The following OR3A2 variants were observed in gnomAD, a reference collection of about 807,000 sequenced individuals.
OR3A2 encodes the protein olfactory receptor family 3 subfamily A member 2.
For synonymous variants in OR3A2, 126 were observed against 159.3 expected, an observed-to-expected ratio of 0.79 and a Z score of 1.57; for missense variants, 318 against 392.8, an observed-to-expected ratio of 0.81 and a Z score of 1.61.
chr17:3,314,511 G>A (rs1004398099), intron 3 of OR3A2, among the ~76,000 whole-genome samples: 2 of 152,166 alleles, frequency 1.3e-5, no homozygotes, highest in Non-Finnish European at 2.9e-5. Context: ...ACATGTGTAT[G>A]GGCTGAAAAT....
intron 3 of OR3A2, among the ~76,000 whole-genome samples, chr17:3,313,225 A>C (rs2049058388): frequency 6.6e-6 from 1 of 152,214 alleles, no homozygotes; most frequent in Admixed American, 6.5e-5. Context: ...TGGAAGTTGA[A>C]GACTCACCTT....
At chr17:3,345,075 A>G (rs999169145) in intron 2 of OR3A2, among the ~76,000 whole-genome samples, 2 of 152,224 alleles carry the variant, frequency 1.3e-5, no homozygotes, top group African/African-American at 2.4e-5. Flanking sequence ...GCAGGGGAAG[A>G]TAAGATCCAG....
rs144625173 is a variant in OR3A2, at chr17:3,317,948, C to A, written c.-85+18085G>T. 5.1e-3 allele frequency among the ~76,000 whole-genome samples: 773 copies of A among 152,212 alleles called. 3 individuals carry two copies. Among genetic ancestry groups the A allele is most frequent in the African/African-American group, 0.018 (736 of 41,522 alleles). On this transcript the variant is annotated intron_variant, in intron 3 of 4. Coordinates refer to the OR3A2 transcript ENST00000573491. ...ACAGTGTCCCCCCGCTCTCTCCACA[C>A]TGGGAGACAGCATGATTAATCTCTT...
At chr17:3,381,425 T>C (rs1207745887) in intron 2 of OR3A2, among the ~76,000 whole-genome samples, 1 of 152,004 alleles carries the variant, frequency 6.6e-6, no homozygotes, top group Non-Finnish European at 1.5e-5. Flanking sequence ...CTGCCTGACC[T>C]GGGCCTGAGG....
chr17:3,310,534 G>T (rs763392014), intron 3 of OR3A2: 2 of 535,832 alleles, frequency 3.7e-6, no homozygotes, highest in Non-Finnish European at 7.7e-6. Context: ...CCAGATGTGG[G>T]GTGTGTCAGT....
At chr17:3,346,815 A>C (rs977241256) in intron 2 of OR3A2, among the ~76,000 whole-genome samples, 3 of 152,168 alleles carry the variant, frequency 2.0e-5, no homozygotes, top group African/African-American at 4.8e-5. Flanking sequence ...TGCCTGGCTT[A>C]TTCACTCAAT....
chr17:3,354,814 C>T (rs1016181124), intron 2 of OR3A2, among the ~76,000 whole-genome samples: 2 of 151,104 alleles, frequency 1.3e-5, no homozygotes, highest in Non-Finnish European at 3.0e-5. Context: ...GGTAGGTTTG[C>T]TCTTGCTTTT....
chr17:3,330,360 G>A (rs1044307803), intron 3 of OR3A2, among the ~76,000 whole-genome samples: 11 of 149,946 alleles, frequency 7.3e-5, no homozygotes, highest in South Asian at 2.1e-4. Context: ...TCTCTTTGTA[G>A]GTCACTCAGG....
chr17:3,349,240 T>C (rs892276455), intron 2 of OR3A2, among the ~76,000 whole-genome samples: 26 of 152,102 alleles, frequency 1.7e-4, no homozygotes, highest in African/African-American at 5.8e-4. Context: ...GACTGGCAAA[T>C]TGGATAAAGA....
intron 2 of OR3A2, among the ~76,000 whole-genome samples, chr17:3,339,250 A>G (rs1869108177): frequency 6.6e-6 from 1 of 152,142 alleles, no homozygotes; most frequent in African/African-American, 2.4e-5. Context: ...CCAATTGAAT[A>G]CACTTTATTT....
chr17:3,307,627 T>A (rs1188371056), intron 3 of OR3A2, among the ~76,000 whole-genome samples: 1 of 152,200 alleles, frequency 6.6e-6, no homozygotes, highest in Non-Finnish European at 1.5e-5. Context: ...GGCATGAGAC[T>A]AGAAAACATT....
chr17:3,337,581 A>C (rs1440844734), intron 2 of OR3A2, among the ~76,000 whole-genome samples: 1 of 152,100 alleles, frequency 6.6e-6, no homozygotes, highest in Non-Finnish European at 1.5e-5. Flanking sequence ...AGCTTCATCC[A>C]TGTCCTTACA....
At chr17:3,331,502 C>T (rs1229196766) in intron 3 of OR3A2, among the ~76,000 whole-genome samples, 6 of 151,680 alleles carry the variant, frequency 4.0e-5, no homozygotes, top group East Asian at 1.9e-4. Flanking sequence ...TCCAGTTGAT[C>T]GCATCGGCTC....
At chr17:3,369,764 T>C (rs1183216408) in intron 2 of OR3A2, among the ~76,000 whole-genome samples, 1 of 151,918 alleles carries the variant, frequency 6.6e-6, no homozygotes, top group Non-Finnish European at 1.5e-5. Context: ...TTAGGGAAGA[T>C]TTCCTCTTTA....
At chr17:3,319,743 T>C (rs1267998334) in intron 3 of OR3A2, among the ~76,000 whole-genome samples, 1 of 152,220 alleles carries the variant, frequency 6.6e-6, no homozygotes, top group Non-Finnish European at 1.5e-5. Context: ...TCATGGTGTA[T>C]ATGTGCCACA....
intron 3 of OR3A2, among the ~76,000 whole-genome samples, chr17:3,297,618 C>A (rs1477480411): frequency 6.6e-6 from 1 of 151,668 alleles, no homozygotes; most frequent in Admixed American, 6.6e-5. Context: ...GGACATTTCT[C>A]TATAGAGCAC....
intron 3 of OR3A2, among the ~76,000 whole-genome samples, chr17:3,320,105 G>C (rs1365166295): frequency 6.6e-6 from 1 of 152,330 alleles, no homozygotes; most frequent in Admixed American, 6.5e-5. Flanking sequence ...CTGTGGTTTT[G>C]ATTTGCATTT....
chr17:3,292,058 A>G (rs771996382), intron 3 of OR3A2: 1 of 1,614,224 alleles, frequency 6.2e-7, no homozygotes, highest in South Asian at 1.1e-5. Flanking sequence ...GATTGATCAC[A>G]TTGGGGCCAC....
chr17:3,292,425 A>C (rs761776576), intron 3 of OR3A2: 1 of 1,613,988 alleles, frequency 6.2e-7, no homozygotes, highest in East Asian at 2.2e-5. Context: ...GGGCTCCACC[A>C]AGACAGCTGC....
Sources: gnomAD v4.1 joint callset for allele counts (sites outside exome capture counted in the v4.1 genomes callset) on GRCh38, gnomAD v4.1.1 for gene constraint, MANE v1.5 for transcripts, NCBI Gene and HGNC (gene_info 2026-07-23, HGNC 2026-07-21) for gene names.